The following UGGT2 variants were observed in gnomAD, a reference collection of about 807,000 sequenced individuals.
UGGT2 encodes the protein UDP-glucose glycoprotein glucosyltransferase 2, also known as UDP-glucose:glycoprotein glucosyltransferase 2.
Under a neutral mutation model 192.1 loss-of-function variants are expected in UGGT2, and 180 were observed. The ratio of observed to expected loss-of-function variants is 0.94; its 90% CI spans 0.83 to 1.06. UGGT2 has a LOEUF of 1.06. UGGT2 is among the 50% of genes least tolerant of loss of function. UGGT2 has a pLI of 0.00. For synonymous variants in UGGT2, 580 were observed against 591.0 expected, an observed-to-expected ratio of 0.98 and a Z score of 0.27; for missense variants, 1,849 against 1,795.7, an observed-to-expected ratio of 1.03 and a Z score of -0.54.
chr13:96,010,839 A>G (rs1393739251), intron 5 of UGGT2, among the ~76,000 whole-genome samples: 1 of 152,232 alleles, frequency 6.6e-6, no homozygotes, highest in Admixed American at 6.5e-5. Flanking sequence ...AGAATAACAA[A>G]GCTGGAGGAC....
intron 1 of UGGT2, among the ~76,000 whole-genome samples, chr13:96,052,574 G>A (rs937123749): frequency 2.0e-5 from 3 of 152,312 alleles, no homozygotes; most frequent in African/African-American, 7.2e-5. Context: ...CAGCCATTAA[G>A]TCATTGGTGT....
At chr13:96,023,521 A>G in intron 3 of UGGT2, 108 bp downstream of exon 3, 1 of 1,188,594 alleles carries the variant, frequency 8.4e-7, no homozygotes, top group East Asian at 2.6e-5. Context: ...TATGGAACCA[A>G]CTATAAACTT....
At position 95,877,364 on chromosome 13, in the gene UGGT2, C is replaced by T. The variant is rs1338349275; in HGVS notation, c.3388G>A (p.Gly1130Arg). ...GGGTTTGCTTTTAATTGAAAATACC[C>T]CTTTTAAGATGAGAAAAAAATAATC... is the stretch of plus-strand genomic sequence containing the variant. ...VVDTIVMAHH[G>R]YFQLKANPGA... Residue 1130 changes from glycine to arginine, a missense_variant and splice_region_variant, in exon 29 of 39, where the codon GGG becomes AGG. Gly to Arg is a moderately radical substitution (Grantham distance 125). Transcript: ENST00000376747. 1 of 1,598,032 alleles carries T rather than the reference C, an allele frequency of 6.3e-7. No individual in the cohort carries two copies. Among genetic ancestry groups the T allele is most frequent in the African/African-American group, 1.4e-5 (1 of 74,044 alleles).
rs1172371428 is a variant in UGGT2, at chr13:95,909,799, T to TAAAAA, written c.2296-6744_2296-6740dup. ...AATAATAAAAAAGATTCCTGCCCAC[T>TAAAAA]AAAAAAAAAAAAAAAAAAAAACTGT... On this transcript the variant is annotated intron_variant, in intron 20 of 38. Transcript: ENST00000376747. 1.1e-4 allele frequency among the ~76,000 whole-genome samples: 8 copies of TAAAAA among 76,178 alleles called. 1 individual carries two copies. The highest frequency in any genetic ancestry group is 7.5e-4 in the East Asian group (2 of 2,656). The allele number at this position is 76,178 out of a possible 152,430, so 50.0% of individuals were successfully genotyped here.
chr13:95,854,391 TG>T lies in UGGT2; in HGVS notation c.4092del (p.Arg1365GlyfsTer19). On this transcript the variant is annotated frameshift_variant, in exon 35 of 39. Transcript: ENST00000376747. LOFTEE classifies it high-confidence loss of function. ...PYGYTPFCDS[R>X]REMDGYRFWK... ...CAGAAACGATATCCATCCATTTCCCTGCGGCTATCACAAAATGGAGTATACC... is the reference window on the plus strand; with the variant it reads ...CAGAAACGATATCCATCCATTTCCCTCGGCTATCACAAAATGGAGTATACC... The T allele has an allele frequency of 6.2e-7, 1 of 1,613,870 alleles. No individual in the cohort carries two copies. Among genetic ancestry groups the T allele is most frequent in the Non-Finnish European group, 8.5e-7 (1 of 1,179,882 alleles).
intron 7 of UGGT2, chr13:95,991,231 A>G (rs1039016013): frequency 4.0e-6 from 1 of 252,672 alleles, no homozygotes. Flanking sequence ...TCCTTTGGGT[A>G]TACACCCAGT....
Position 95,940,042 on chromosome 13 carries a change from A to G in UGGT2, c.1727T>C (p.Val576Ala). Residue 576 changes from valine (V) to alanine (A), a missense_variant, in exon 16 of 39, where the codon GTG becomes GCG. Coordinates refer to ENST00000376747, the MANE Select transcript of UGGT2 (RefSeq NM_020121.4). The stretch of plus-strand genomic sequence containing the variant: ...AAATGTATTTTGGAGAACACTCTTC[A>G]CATTGTCCACAGTGAGTATATTTTG... ...KDQNILTVDN[V>A]KSVLQNTFPH... The G allele has an allele frequency of 6.3e-7, 1 of 1,587,428 alleles. No homozygotes were observed. The highest frequency in any genetic ancestry group is 1.1e-5 in the South Asian group (1 of 87,550).
At chr13:96,018,162 T>C (rs1049462145) in intron 4 of UGGT2, among the ~76,000 whole-genome samples, 5 of 152,182 alleles carry the variant, frequency 3.3e-5, no homozygotes, top group African/African-American at 1.2e-4. Context: ...TATTTCCTAT[T>C]CCCTGGTTCA....
chr13:95,999,280 A>G lies in UGGT2; in HGVS notation c.688T>C (p.Ser230Pro), dbSNP rs1311041972. Residue 230 changes from serine to proline, a missense_variant, in exon 6 of 39, where the codon TCT becomes CCT. Coordinates refer to ENST00000376747, the MANE Select transcript of UGGT2 (RefSeq NM_020121.4). ...QKPSSRKMYL[S>P]GYGVELAIKS... is the part of the protein sequence containing the mutation. ...ATTGCTAGCTCCACACCATACCCAG[A>G]TAAGTACATTTTCCGTGAGCTTGGT... is the stretch of plus-strand genomic sequence containing the variant. The G allele has an allele frequency of 1.7e-5, 27 of 1,613,506 alleles. No individual in the cohort carries two copies. The highest frequency in any genetic ancestry group is 1.6e-4 in the Middle Eastern group (1 of 6,080).
At chr13:95,904,593 A>AT (rs2048221703) in intron 20 of UGGT2, among the ~76,000 whole-genome samples, 1 of 151,446 alleles carries the variant, frequency 6.6e-6, no homozygotes, top group African/African-American at 2.4e-5. Flanking sequence ...ATGTTTCCCA[A>AT]TTTCATCCAT....
intron 38 of UGGT2, among the ~76,000 whole-genome samples, chr13:95,812,265 C>T (rs1248667096): frequency 6.6e-6 from 1 of 152,012 alleles, no homozygotes; most frequent in Non-Finnish European, 1.5e-5. Flanking sequence ...TTGATTTTTT[C>T]CAACCATTTA....
chr13:95,965,636 A>G (rs2050553148), intron 12 of UGGT2, among the ~76,000 whole-genome samples: 1 of 143,584 alleles, frequency 7.0e-6, no homozygotes, highest in African/African-American at 2.5e-5. Context: ...TGATATACCT[A>G]ATGCTAAATG....
At chr13:95,897,987 G>C (rs2047994905) in intron 22 of UGGT2, among the ~76,000 whole-genome samples, 1 of 151,892 alleles carries the variant, frequency 6.6e-6, no homozygotes. Context: ...TCCTCACCTT[G>C]ATCCACAGTA....
Position 95,962,864 on chromosome 13 carries a change from T to A in UGGT2, c.1335+7248A>T, listed in dbSNP as rs573816000. Among the ~76,000 whole-genome samples the A allele has an allele frequency of 3.9e-5, 6 of 152,104 alleles. No homozygotes were observed. In the East Asian group the frequency reaches 1.2e-3, roughly 29 times the overall value. ...AGGGTTCAAAGGACTTACAGTTCCATATGACTGGGGAGGCCTCACAATCAC... is the reference window on the plus strand; with the variant it reads ...AGGGTTCAAAGGACTTACAGTTCCAAATGACTGGGGAGGCCTCACAATCAC... On this transcript the variant is annotated intron_variant, in intron 12 of 38. Coordinates refer to ENST00000376747, the MANE Select transcript of UGGT2 (RefSeq NM_020121.4).
rs374443636 is a variant in UGGT2 at position 95,974,798 on chromosome 13, G to A, written c.1093-2127C>T. On this transcript the variant is annotated intron_variant, in intron 10 of 38. Transcript: ENST00000376747. ...AATGCTAGATTTAAATATTAATAAT[G>A]AGACTGGGTGCGGTGGCTCACACCT... 5.9e-5 allele frequency among the ~76,000 whole-genome samples: 9 copies of A among 152,188 alleles called. No homozygotes were observed. The East Asian group carries it at 1.4e-3, about 23-fold the overall frequency.
At chr13:95,817,830 C>T (rs1885067314) in intron 38 of UGGT2, among the ~76,000 whole-genome samples, 1 of 151,880 alleles carries the variant, frequency 6.6e-6, no homozygotes, top group Non-Finnish European at 1.5e-5. Flanking sequence ...ACATTCATTG[C>T]CCATCATGAA....
At chr13:95,891,106 C>A in intron 24 of UGGT2, 142 bp from the exon 25 acceptor site, 1 of 554,476 alleles carries the variant, frequency 1.8e-6, no homozygotes, top group Non-Finnish European at 3.1e-6. Context: ...ACAATGCTTG[C>A]AAATCTGAAA....
chr13:95,812,429 C>T (rs1169245740), intron 38 of UGGT2, among the ~76,000 whole-genome samples: 1 of 152,116 alleles, frequency 6.6e-6, no homozygotes, highest in East Asian at 1.9e-4. Flanking sequence ...CTGCAAGAAA[C>T]CCACCCTTAT....
Position 95,884,952 on chromosome 13 carries a change from G to A in UGGT2, c.3039-272C>T, listed in dbSNP as rs551464659. Among the ~76,000 whole-genome samples, 45 of 152,216 alleles carry A rather than the reference G, an allele frequency of 3.0e-4. No homozygotes were observed. The South Asian group carries it at 9.3e-3, about 32-fold the overall frequency. The stretch of plus-strand genomic sequence containing the variant: ...TCCCTTTAAGATATACCTGACTTAT[G>A]CAGGTTCTAGGAGTTTATGATCTGT... On this transcript the variant is annotated intron_variant, in intron 26 of 38. Coordinates refer to ENST00000376747, the MANE Select transcript of UGGT2 (RefSeq NM_020121.4).
Sources: allele counts gnomAD v4.1 joint callset (sites outside exome capture counted in the v4.1 genomes callset), GRCh38; gene constraint gnomAD v4.1.1; transcripts MANE v1.5; gene names NCBI Gene and HGNC (gene_info 2026-07-23, HGNC 2026-07-21).